The following LRBA variants were observed in gnomAD, a reference collection of about 807,000 sequenced individuals.
LRBA encodes the protein LPS responsive beige-like anchor protein.
Under a neutral mutation model 330.0 loss-of-function variants are expected in LRBA, and 176 were observed. The ratio of observed to expected loss-of-function variants is 0.53; its 90% CI spans 0.47 to 0.60. The LOEUF (loss-of-function observed/expected upper bound fraction) is 0.60, where lower values mean the gene tolerates loss of function less well. Among genes scored for constraint, LRBA ranks in the 20% least tolerant of loss-of-function variants. The probability of loss-of-function intolerance (pLI) is 0.00; values close to 1 mark genes in which losing one functional copy is unlikely to be tolerated. For synonymous variants in LRBA, 1,230 were observed against 1,193.0 expected (o/e 1.03, Z -0.64); for missense variants, 3,259 against 3,444.8 (o/e 0.95, Z 1.35).
At chr4:150,807,239 A>G (rs1742926590) in intron 32 of LRBA, among the ~76,000 whole-genome samples, 1 of 152,080 alleles carries the variant, frequency 6.6e-6, no homozygotes, top group African/African-American at 2.4e-5. Flanking sequence ...TCCTATTCAT[A>G]CTACCAAGAA....
At chr4:150,836,965 A>C (rs895110750) in intron 28 of LRBA, among the ~76,000 whole-genome samples, 5 of 152,086 alleles carry the variant, frequency 3.3e-5, no homozygotes, top group Non-Finnish European at 7.3e-5. Context: ...CACTGCTTTA[A>C]ATGTGTCCCA....
intron 30 of LRBA, among the ~76,000 whole-genome samples, chr4:150,818,568 G>GTGTGTGCA (rs1333165382): frequency 6.6e-6 from 1 of 150,402 alleles, no homozygotes; most frequent in Non-Finnish European, 1.5e-5. Flanking sequence ...GTGTGTGCGT[G>GTGTGTGCA]CACGAATGTG....
intron 37 of LRBA, among the ~76,000 whole-genome samples, chr4:150,604,520 T>C (rs978088772): frequency 1.1e-4 from 17 of 152,182 alleles, no homozygotes; most frequent in Non-Finnish European, 1.9e-4. Context: ...ATAACAATTA[T>C]TTATTATTTA....
chr4:150,904,254 T>C (rs1245542067), intron 13 of LRBA, among the ~76,000 whole-genome samples: 2 of 152,200 alleles, frequency 1.3e-5, no homozygotes, highest in African/African-American at 4.8e-5. Context: ...CATTATATTG[T>C]ATTCTTCTTC....
rs1205288224 is a variant in LRBA, at chr4:150,900,045, A to T, written c.1924+4T>A. 4 of 1,601,540 alleles carry T rather than the reference A, an allele frequency of 2.5e-6. No individual in the cohort carries two copies. The highest frequency in any genetic ancestry group is 2.6e-6 in the Non-Finnish European group (3 of 1,172,626). ...AAAGTAATATACAGACAGAAATTAT[A>T]TACCTAATCCTTTTGGGGTGATACC... On this transcript the variant is annotated splice_donor_region_variant and intron_variant, in intron 14 of 56. Transcript: ENST00000651943.
intron 46 of LRBA, among the ~76,000 whole-genome samples, chr4:150,430,724 T>C (rs1750269713): frequency 1.3e-5 from 2 of 151,984 alleles, no homozygotes; most frequent in Admixed American, 1.3e-4. Context: ...TTTAATAATA[T>C]ATTATTATAT....
At chr4:150,792,031 A>AT (rs1385327952) in intron 34 of LRBA, among the ~76,000 whole-genome samples, 2 of 149,346 alleles carry the variant, frequency 1.3e-5, no homozygotes, top group African/African-American at 2.4e-5. Flanking sequence ...TCCATCTCAA[A>AT]AAAAAAAAAA....
At chr4:150,488,189 A>C (rs888300516) in intron 41 of LRBA, among the ~76,000 whole-genome samples, 2 of 151,712 alleles carry the variant, frequency 1.3e-5, no homozygotes, top group African/African-American at 4.8e-5. Context: ...ATTTACAAAA[A>C]TGAATTTTGG....
At chr4:150,706,574 T>A (rs1233886374) in intron 36 of LRBA, among the ~76,000 whole-genome samples, 1 of 150,646 alleles carries the variant, frequency 6.6e-6, no homozygotes, top group Non-Finnish European at 1.5e-5. Flanking sequence ...TTGAGATCCA[T>A]GAGAGAAAAT....
chr4:150,513,271 T>C (rs771015176), intron 40 of LRBA, among the ~76,000 whole-genome samples: 1 of 152,212 alleles, frequency 6.6e-6, no homozygotes, highest in Non-Finnish European at 1.5e-5. Flanking sequence ...TTTTCAAGGA[T>C]GTTTGCATAA....
At chr4:150,996,796 C>T (rs1056157728) in intron 2 of LRBA, among the ~76,000 whole-genome samples, 6 of 152,076 alleles carry the variant, frequency 3.9e-5, no homozygotes, top group South Asian at 4.1e-4. Context: ...CAAAATCAAA[C>T]AACCTGAGTC....
chr4:150,780,040 A>C (rs1442268908), intron 34 of LRBA, among the ~76,000 whole-genome samples: 1 of 152,306 alleles, frequency 6.6e-6, no homozygotes, highest in East Asian at 1.9e-4. Flanking sequence ...ACACAACATT[A>C]AGAATTAAAC....
intron 47 of LRBA, among the ~76,000 whole-genome samples, chr4:150,401,723 A>G (rs1745490748): frequency 6.6e-6 from 1 of 152,170 alleles, no homozygotes; most frequent in African/African-American, 2.4e-5. Context: ...TATAAAATGG[A>G]TAACTGTGCT....
chr4:150,716,003 A>G (rs924151221), intron 36 of LRBA, among the ~76,000 whole-genome samples: 10 of 152,200 alleles, frequency 6.6e-5, no homozygotes, highest in Admixed American at 6.5e-4. Context: ...TTGGAGTCTG[A>G]CTTTCGTTTA....
intron 40 of LRBA, among the ~76,000 whole-genome samples, chr4:150,575,554 G>A (rs907472756): frequency 6.6e-6 from 1 of 151,768 alleles, no homozygotes; most frequent in African/African-American, 2.4e-5. Flanking sequence ...CTACCCATAC[G>A]ATATGCTTAA....
chr4:150,643,503 G>A (rs148101697), intron 37 of LRBA, among the ~76,000 whole-genome samples: 3 of 151,902 alleles, frequency 2.0e-5, no homozygotes, highest in East Asian at 3.9e-4. Context: ...GGATATGTAA[G>A]CTATATTGAC....
rs773235029 is a variant in LRBA at position 150,963,217 on chromosome 4, G to A, written c.217-34152C>T. Among the ~76,000 whole-genome samples the A allele has an allele frequency of 3.4e-5, 5 of 147,102 alleles. 1 individual carries two copies. Among genetic ancestry groups the A allele is most frequent in the African/African-American group, 8.0e-5 (3 of 37,318 alleles). On this transcript the variant is annotated intron_variant, in intron 2 of 56. Transcript: ENST00000651943. ...CACGGTCCTCGTCTCCCCTTTGCAC[G>A]GTCTCCCTCTGATGCCGAGCCGAGG...
At chr4:150,838,081 T>G (rs1748439004) in intron 28 of LRBA, among the ~76,000 whole-genome samples, 1 of 152,204 alleles carries the variant, frequency 6.6e-6, no homozygotes, top group Admixed American at 6.5e-5. Flanking sequence ...AAATTCTGGG[T>G]TGAAAATTCG....
chr4:150,844,662 G>A lies in LRBA; in HGVS notation c.4457C>T (p.Ala1486Val), dbSNP rs149639181. The A allele has an allele frequency of 5.8e-5, 94 of 1,610,646 alleles. No individual in the cohort carries two copies. Among genetic ancestry groups the A allele is most frequent in the African/African-American group, 1.9e-4 (14 of 74,830 alleles). ...HSLIPLGKSA[A>V]KSPVDIVTGG... is the part of the protein sequence containing the mutation. ...TTAATTAATCTGTATACTTACCTTC[G>A]CTGCAGATTTCCCTAAAGGAATAAG... The change falls in exon 27 of 57, where the codon GCG becomes GTG. Residue 1486 changes from alanine to valine, a missense_variant. Physicochemically the swap from Ala to Val is moderately conservative, Grantham distance 64 (BLOSUM62 0). Transcript: ENST00000651943.
Sources: allele counts gnomAD v4.1 joint callset (sites outside exome capture counted in the v4.1 genomes callset), GRCh38; gene constraint gnomAD v4.1.1; transcripts MANE v1.5; gene names NCBI Gene and HGNC (gene_info 2026-07-23, HGNC 2026-07-21).